CORO2B: variants seen among roughly 807,000 people sequenced by gnomAD.
CORO2B encodes coronin-2B.
A neutral mutation model predicts 58.8 loss-of-function variants in CORO2B; 26 were observed. That is an observed-to-expected ratio of 0.44 (90% CI 0.32 to 0.61). The LOEUF (loss-of-function observed/expected upper bound fraction) is 0.61. Ranked by LOEUF, CORO2B falls within the 20% of genes least tolerant of loss-of-function variation. The pLI, the probability that CORO2B is intolerant of heterozygous loss-of-function variation, is 0.04. For missense variants in CORO2B, 460 were observed against 645.1 expected, an observed-to-expected ratio of 0.71 and a Z score of 3.11; for synonymous variants, 242 against 253.8, an observed-to-expected ratio of 0.95 and a Z score of 0.44.
chr15:68,602,485 G>A (rs1031220258), intron 1 of CORO2B, among the ~76,000 whole-genome samples: 3 of 151,374 alleles, frequency 2.0e-5, no homozygotes, highest in South Asian at 4.2e-4. Context: ...CTTTGATATG[G>A]AAATTTTAGG....
intron 1 of CORO2B, among the ~76,000 whole-genome samples, chr15:68,589,818 G>A (rs953760287): frequency 6.6e-6 from 1 of 152,212 alleles, no homozygotes; most frequent in African/African-American, 2.4e-5. Context: ...AACTAGGAGC[G>A]CCCTGACCAG....
the CORO2B span, among the ~76,000 whole-genome samples, chr15:68,541,523 G>A: frequency 2.0e-5 from 3 of 152,128 alleles, no homozygotes; most frequent in Non-Finnish European, 2.9e-5. Flanking sequence ...AGCTGAACTC[G>A]AAGGAATCTA....
chr15:68,579,229 C>A lies in CORO2B; in HGVS notation c.-34C>A. 1 of 1,108,294 alleles carries A rather than the reference C, an allele frequency of 9.0e-7. No individual in the cohort carries two copies. Among genetic ancestry groups the A allele is most frequent in the Non-Finnish European group, 1.1e-6 (1 of 911,222 alleles). 68.7% of individuals were successfully genotyped at this position (1,108,294 alleles called of 1,614,324 possible). The stretch of plus-strand genomic sequence containing the variant: ...CCGCCGCCGCCGCCCCCGCACGCCG[C>A]GCCCGCGCCCCCGCTCCGCCGCGGA... On this transcript the variant is annotated 5_prime_UTR_variant, in exon 1 of 12. Coordinates refer to ENST00000261861, the MANE Select transcript of CORO2B (RefSeq NM_006091.5).
Position 68,726,110 on chromosome 15 carries a change from T to G in CORO2B, c.*136T>G. The G allele has an allele frequency of 8.5e-7, 1 of 1,171,890 alleles. No homozygotes were observed. The highest frequency in any genetic ancestry group is 1.2e-6 in the Non-Finnish European group (1 of 836,514). 72.6% of individuals were successfully genotyped at this position (1,171,890 alleles called of 1,614,324 possible). ...AGCCTGAGGACCCCCGCCTACCACC[T>G]CGAGAACTGGAAGCCAACCTCTAAC... On this transcript the variant is annotated 3_prime_UTR_variant, in exon 12 of 12. Transcript: ENST00000261861.
intron 1 of CORO2B, among the ~76,000 whole-genome samples, chr15:68,579,741 G>A (rs1899380024): frequency 6.6e-6 from 1 of 152,222 alleles, no homozygotes; most frequent in African/African-American, 2.4e-5. Flanking sequence ...TGCCGCCCAT[G>A]CCGGGAGCGC....
intron 1 of CORO2B, among the ~76,000 whole-genome samples, chr15:68,636,995 C>T (rs1475131833): frequency 6.6e-6 from 1 of 152,202 alleles, no homozygotes. Flanking sequence ...TGAATTTAAG[C>T]AGCTGCATGT....
At chr15:68,565,122 A>T in the CORO2B span, among the ~76,000 whole-genome samples, 1 of 152,194 alleles carries the variant, frequency 6.6e-6, no homozygotes, top group Non-Finnish European at 1.5e-5. Context: ...AGATAGACAA[A>T]TATTGCTTTA....
At chr15:68,642,547 C>T (rs1465075287) in intron 1 of CORO2B, among the ~76,000 whole-genome samples, 1 of 152,166 alleles carries the variant, frequency 6.6e-6, no homozygotes, top group East Asian at 1.9e-4. Flanking sequence ...CATGGATAGG[C>T]TGGGCCTGCC....
At chr15:68,561,888 G>A in the CORO2B span, among the ~76,000 whole-genome samples, 1 of 152,144 alleles carries the variant, frequency 6.6e-6, no homozygotes, top group South Asian at 2.1e-4. Context: ...GTAGTAAAGG[G>A]GTGCCTGTGA....
chr15:68,696,094 A>T (rs1386208310), intron 3 of CORO2B, among the ~76,000 whole-genome samples: 2 of 151,766 alleles, frequency 1.3e-5, no homozygotes, highest in Non-Finnish European at 2.9e-5. Flanking sequence ...ATTAAAAAAA[A>T]AAAAAACTAG....
chr15:68,657,517 CAAAA>C (rs373642309), intron 2 of CORO2B, among the ~76,000 whole-genome samples: 4 of 87,082 alleles, frequency 4.6e-5, no homozygotes, highest in Middle Eastern at 0.014. Flanking sequence ...GATCCTGTCT[CAAAA>C]AAAAAAAAAA....
chr15:68,624,685 T>A (rs986043385), intron 1 of CORO2B, among the ~76,000 whole-genome samples: 1 of 146,884 alleles, frequency 6.8e-6, no homozygotes, highest in Non-Finnish European at 1.5e-5. Context: ...TTTTTTTTTT[T>A]CTTTTCTTTT....
chr15:68,536,745 T>C, the CORO2B span, among the ~76,000 whole-genome samples: 1 of 152,278 alleles, frequency 6.6e-6, no homozygotes, highest in Non-Finnish European at 1.5e-5. Flanking sequence ...TTTCTCATTC[T>C]GTCTTGCAGC....
At chr15:68,528,462 A>T in the CORO2B span, among the ~76,000 whole-genome samples, 1 of 152,144 alleles carries the variant, frequency 6.6e-6, no homozygotes, top group African/African-American at 2.4e-5. Flanking sequence ...TTGGATATCA[A>T]ATCAATCTTG....
the CORO2B span, among the ~76,000 whole-genome samples, chr15:68,520,860 A>G: frequency 6.6e-6 from 1 of 152,162 alleles, no homozygotes; most frequent in East Asian, 1.9e-4. Context: ...AGCCTGGCCA[A>G]CATGGCAAAA....
chr15:68,587,049 T>TACACACACAC lies in CORO2B; in HGVS notation c.15+7810_15+7819dup, dbSNP rs58729813. 6.8e-3 allele frequency among the ~76,000 whole-genome samples: 393 copies of TACACACACAC among 57,866 alleles called. 5 individuals are homozygous for TACACACACAC. Among genetic ancestry groups the TACACACACAC allele is most frequent in the Admixed American group, 0.013 (60 of 4,678 alleles). The allele number at this position is 57,866 out of a possible 152,430, so 38.0% of individuals were successfully genotyped here. ...AAGTCAAACTATAGGGAGATATGTA[T>TACACACACAC]ACACACACACACACACACACACACA... On this transcript the variant is annotated intron_variant, in intron 1 of 11. Coordinates refer to ENST00000261861, the MANE Select transcript of CORO2B (RefSeq NM_006091.5).
At chr15:68,544,519 G>A in the CORO2B span, among the ~76,000 whole-genome samples, 13 of 152,176 alleles carry the variant, frequency 8.5e-5, no homozygotes, top group African/African-American at 3.1e-4. Context: ...GGATGCAGAG[G>A]ATGGCCCCCT....
At chr15:68,693,007 A>G (rs1892420507) in intron 2 of CORO2B, among the ~76,000 whole-genome samples, 1 of 152,206 alleles carries the variant, frequency 6.6e-6, no homozygotes, top group African/African-American at 2.4e-5. Flanking sequence ...TTCATAGAAT[A>G]TTGAAAGGAA....
At chr15:68,518,463 C>T in the CORO2B span, among the ~76,000 whole-genome samples, 3 of 152,142 alleles carry the variant, frequency 2.0e-5, no homozygotes, top group South Asian at 6.2e-4. Context: ...CCACTCCCAC[C>T]CCATTTTCTG....
Sources: gnomAD v4.1 joint callset for allele counts (sites outside exome capture counted in the v4.1 genomes callset) on GRCh38, gnomAD v4.1.1 for gene constraint, MANE v1.5 for transcripts, NCBI Gene and HGNC (gene_info 2026-07-23, HGNC 2026-07-21) for gene names.